Variants in ERICH4 observed in about 807,000 individuals in gnomAD.
The protein encoded by ERICH4 is glutamate rich 4.
A neutral mutation model predicts 5.2 loss-of-function variants in ERICH4; 4 were observed. The ratio of observed to expected loss-of-function variants is 0.77; its 90% CI spans 0.38 to 1.76. ERICH4 has a LOEUF of 1.76. ERICH4 is among the 40% of genes most tolerant of loss of function. ERICH4 has a pLI of 0.04. For synonymous variants in ERICH4, 75 were observed against 68.7 expected (o/e 1.09, Z -0.45); for missense variants, 164 against 159.8 (o/e 1.03, Z -0.14).
rs2040149851 is a variant in ERICH4, at chr19:41,444,458, G to T, written c.*234G>T. 3 of 574,504 alleles carry T rather than the reference G, an allele frequency of 5.2e-6. No homozygotes were observed. The highest frequency in any genetic ancestry group is 9.3e-6 in the Non-Finnish European group (3 of 321,834). The allele number at this position is 574,504 out of a possible 1,614,324, so 35.6% of individuals were successfully genotyped here. A position where few individuals can be genotyped will look rare whatever the true frequency, so the allele number is the denominator to read the frequency against. ...GTGGGAGGTTGTAGAGAAGTTGCAGGTGCTTTCGCAGATGAGCCTCAGGTG... is the reference window on the plus strand; with the variant it reads ...GTGGGAGGTTGTAGAGAAGTTGCAGTTGCTTTCGCAGATGAGCCTCAGGTG... On this transcript the variant is annotated 3_prime_UTR_variant, in exon 2 of 2. Coordinates refer to ENST00000378187, the MANE Select transcript of ERICH4 (RefSeq NM_001130514.3).
At position 41,443,266 on chromosome 19, in the gene ERICH4, C is replaced by A; in HGVS notation, c.97C>A (p.Pro33Thr). Residue 33 changes from proline (P) to threonine (T), a missense_variant, in exon 1 of 2, where the codon CCT becomes ACT. Physicochemically the swap from Pro to Thr is conservative, Grantham distance 38. Coordinates refer to ENST00000378187, the MANE Select transcript of ERICH4 (RefSeq NM_001130514.3). ...ALREVSPVEIPGQTLRTAGAD... is the reference protein window; with the variant it reads ...ALREVSPVEITGQTLRTAGAD... ...GAGGGAGGTCTCCCCAGTGGAAATC[C>A]CTGGTCAGACCCTCAGGACTGCAGG... 1 of 1,408,744 alleles carries A rather than the reference C, an allele frequency of 7.1e-7. No homozygotes were observed. The highest frequency in any genetic ancestry group is 2.9e-5 in the Admixed American group (1 of 34,104). The allele number at this position is 1,408,744 out of a possible 1,614,324, so 87.3% of individuals were successfully genotyped here. A position where few individuals can be genotyped will look rare whatever the true frequency, so the allele number is the denominator to read the frequency against.
chr19:41,444,296 A>T lies in ERICH4; in HGVS notation c.*72A>T. On this transcript the variant is annotated 3_prime_UTR_variant, in exon 2 of 2. Transcript: ENST00000378187. ...TATGTAAAGGAGAAGGGAGATTTGC[A>T]GGTCAAAGCAGATGTGGAATCAAGT... The T allele has an allele frequency of 6.7e-7, 1 of 1,501,438 alleles. No homozygotes were observed. The highest frequency in any genetic ancestry group is 1.2e-5 in the South Asian group (1 of 82,768). The allele number at this position is 1,501,438 out of a possible 1,614,324, so 93.0% of individuals were successfully genotyped here.
Position 41,444,247 on chromosome 19 carries a change from T to C in ERICH4, c.*23T>C, listed in dbSNP as rs1555773585. 1 of 1,551,758 alleles carries C rather than the reference T, an allele frequency of 6.4e-7. No homozygotes were observed. The highest frequency in any genetic ancestry group is 8.7e-7 in the Non-Finnish European group (1 of 1,146,804). ...TGAGGCTCTGCCAGTGGATTTAGATTGACATACAAATGAGATGCAAATGTA... is the reference window on the plus strand; with the variant it reads ...TGAGGCTCTGCCAGTGGATTTAGATCGACATACAAATGAGATGCAAATGTA... On this transcript the variant is annotated 3_prime_UTR_variant, in exon 2 of 2. Transcript: ENST00000378187.
chr19:41,443,372 A>C (rs1263296856), intron 1 of ERICH4, 29 bp downstream of exon 1: 9 of 1,292,920 alleles, frequency 7.0e-6, no homozygotes, highest in Non-Finnish European at 8.9e-6. Flanking sequence ...AGGGAAAGAG[A>C]AAGAGAGGAA....
At chr19:41,443,482 C>T (rs946959526) in intron 1 of ERICH4, 139 bp downstream of exon 1, 17 of 680,136 alleles carry the variant, frequency 2.5e-5, no homozygotes, top group South Asian at 4.7e-5. Context: ...GTACAGACAC[C>T]GAGAGACAGA....
At position 41,444,322 on chromosome 19, in the gene ERICH4, A is replaced by G; in HGVS notation, c.*98A>G. 7.6e-7 allele frequency: 1 copy of G among 1,320,424 alleles called. No individual in the cohort carries two copies. 81.8% of individuals were successfully genotyped at this position (1,320,424 alleles called of 1,614,324 possible). A position where few individuals can be genotyped will look rare whatever the true frequency, so the allele number is the denominator to read the frequency against. On this transcript the variant is annotated 3_prime_UTR_variant, in exon 2 of 2. Coordinates refer to ENST00000378187, the MANE Select transcript of ERICH4 (RefSeq NM_001130514.3). ...GGTCAAAGCAGATGTGGAATCAAGT[A>G]TACCCCTTTAGTAAGTGCTTTCTCT...
At position 41,443,333 on chromosome 19, in the gene ERICH4, G is replaced by A. The variant is rs2040133410; in HGVS notation, c.164G>A (p.Arg55Lys). 11 of 1,297,816 alleles carry A rather than the reference G, an allele frequency of 8.5e-6. No homozygotes were observed. The highest frequency in any genetic ancestry group is 2.5e-5 in the South Asian group (1 of 40,560). The allele number at this position is 1,297,816 out of a possible 1,614,324, so 80.4% of individuals were successfully genotyped here. ...GGACDSLLWI[R>K]EELGNLRRVD... ...GCCTGCGATAGTCTGCTGTGGATCAGGGAGGAGCTGGTGAGTGAGGGGTTT... is the reference window on the plus strand; with the variant it reads ...GCCTGCGATAGTCTGCTGTGGATCAAGGAGGAGCTGGTGAGTGAGGGGTTT... The change falls in exon 1 of 2, where the codon AGG becomes AAG. Residue 55 changes from arginine (R) to lysine (K), a missense_variant. Physicochemically the swap from Arg to Lys is conservative, Grantham distance 26. Transcript: ENST00000378187.
Position 41,444,304 on chromosome 19 carries a change from G to C in ERICH4, c.*80G>C. The C allele has an allele frequency of 6.8e-7, 1 of 1,478,708 alleles. No individual in the cohort carries two copies. Among genetic ancestry groups the C allele is most frequent in the Admixed American group, 2.0e-5 (1 of 50,740 alleles). The allele number at this position is 1,478,708 out of a possible 1,614,324, so 91.6% of individuals were successfully genotyped here. On this transcript the variant is annotated 3_prime_UTR_variant, in exon 2 of 2. Coordinates refer to ENST00000378187, the MANE Select transcript of ERICH4 (RefSeq NM_001130514.3). ...GGAGAAGGGAGATTTGCAGGTCAAA[G>C]CAGATGTGGAATCAAGTATACCCCT...
At position 41,444,030 on chromosome 19, in the gene ERICH4, C is replaced by T; in HGVS notation, c.199C>T (p.Gln67Ter). The change falls in exon 2 of 2, where the codon CAG (glutamine) becomes TAG (stop). Residue 67 changes from glutamine (Q) to a stop codon, truncating the protein, a stop_gained. Coordinates refer to ENST00000378187, the MANE Select transcript of ERICH4 (RefSeq NM_001130514.3). LOFTEE classifies it low-confidence loss of function (END_TRUNC). ...GGGGAACCTGCGCCGAGTGGATGTCCAGCTGCTGGGACAGCTGTGCAGCCT... is the reference window on the plus strand; with the variant it reads ...GGGGAACCTGCGCCGAGTGGATGTCTAGCTGCTGGGACAGCTGTGCAGCCT... ...ELGNLRRVDV[Q>*]LLGQLCSLGL... 1 of 1,549,910 alleles carries T rather than the reference C, an allele frequency of 6.5e-7. No individual in the cohort carries two copies. The highest frequency in any genetic ancestry group is 8.7e-7 in the Non-Finnish European group (1 of 1,146,320).
At chr19:41,443,742 G>A (rs2048250506) in intron 1 of ERICH4, among the ~76,000 whole-genome samples, 1 of 152,092 alleles carries the variant, frequency 6.6e-6, no homozygotes. Flanking sequence ...AGAGACAAAG[G>A]GAAACAGGGA....
Position 41,443,314 on chromosome 19 carries a change from G to C in ERICH4, c.145G>C (p.Asp49His), listed in dbSNP as rs1463265196. The change falls in exon 1 of 2, where the codon GAT (aspartate) becomes CAT (histidine). Residue 49 changes from aspartate to histidine, a missense_variant. Asp to His is a moderately conservative substitution (Grantham distance 81, BLOSUM62 -1). Coordinates refer to ENST00000378187, the MANE Select transcript of ERICH4 (RefSeq NM_001130514.3). The stretch of plus-strand genomic sequence containing the variant: ...AGGGGCAGACACTGGAGGTGCCTGC[G>C]ATAGTCTGCTGTGGATCAGGGAGGA... ...TAGADTGGAC[D>H]SLLWIREELG... The C allele has an allele frequency of 2.3e-6, 3 of 1,310,880 alleles. No homozygotes were observed. Among genetic ancestry groups the C allele is most frequent in the African/African-American group, 3.1e-5 (2 of 64,966 alleles). The allele number at this position is 1,310,880 out of a possible 1,614,324, so 81.2% of individuals were successfully genotyped here. A position where few individuals can be genotyped will look rare whatever the true frequency, so the allele number is the denominator to read the frequency against.
rs1568533365 is a variant in ERICH4, at chr19:41,444,029, C to A, written c.198C>A (p.Val66=). The A allele has an allele frequency of 2.6e-6, 4 of 1,549,682 alleles. No individual in the cohort carries two copies. In the African/African-American group the frequency reaches 4.1e-5, roughly 16 times the overall value. Residue 66 remains valine (V), a synonymous_variant, in exon 2 of 2, where the codon GTC becomes GTA. Transcript: ENST00000378187. ...EELGNLRRVD[V]QLLGQLCSLG... is the part of the protein sequence containing the mutation. ...AGGGGAACCTGCGCCGAGTGGATGT[C>A]CAGCTGCTGGGACAGCTGTGCAGCC...
At position 41,443,254 on chromosome 19, in the gene ERICH4, C is replaced by A; in HGVS notation, c.85C>A (p.Pro29Thr). 7.0e-7 allele frequency: 1 copy of A among 1,435,708 alleles called. No individual in the cohort carries two copies. Among genetic ancestry groups the A allele is most frequent in the Non-Finnish European group, 9.2e-7 (1 of 1,088,662 alleles). 88.9% of individuals were successfully genotyped at this position (1,435,708 alleles called of 1,614,324 possible). ...CCCCCAGGCCCTGAGGGAGGTCTCC[C>A]CAGTGGAAATCCCTGGTCAGACCCT... ...PPPQALREVSPVEIPGQTLRT... is the reference protein window; with the variant it reads ...PPPQALREVSTVEIPGQTLRT... Residue 29 changes from proline to threonine, a missense_variant, in exon 1 of 2, where the codon CCA becomes ACA. Transcript: ENST00000378187.
rs1233647126 is a variant in ERICH4 at position 41,444,089 on chromosome 19, G to A, written c.258G>A (p.Leu86=). Residue 86 remains leucine (L), a synonymous_variant, in exon 2 of 2, where the codon CTG becomes CTA. Coordinates refer to ENST00000378187, the MANE Select transcript of ERICH4 (RefSeq NM_001130514.3). ...AGATGGGGGCGCTGCGGGAGGAACT[G>A]GTCACCATATTGGAGGAGGAGGAGG... The part of the protein sequence containing the change: ...GLEMGALREE[L]VTILEEEEES... 9.0e-6 allele frequency: 14 copies of A among 1,551,704 alleles called. No individual in the cohort carries two copies. Among genetic ancestry groups the A allele is most frequent in the Non-Finnish European group, 1.2e-5 (14 of 1,147,054 alleles).
Position 41,444,204 on chromosome 19 carries a change from G to T in ERICH4, c.373G>T (p.Asp125Tyr), listed in dbSNP as rs956984191. The T allele has an allele frequency of 3.9e-6, 6 of 1,552,146 alleles. No individual in the cohort carries two copies. The East Asian group carries it at 1.5e-4, about 38-fold the overall frequency. Residue 125 changes from aspartate to tyrosine, a missense_variant, in exon 2 of 2, where the codon GAC (aspartate) becomes TAC (tyrosine). Asp to Tyr is a radical substitution (Grantham distance 160, BLOSUM62 -3). Coordinates refer to ENST00000378187, the MANE Select transcript of ERICH4 (RefSeq NM_001130514.3). ...GGCCTGCCCAGCCCCACATCCACCT[G>T]ACTTTGAGATGATGATCTGAGGCTC... Reference protein sequence around the residue: ...LEACPAPHPPDFEMMI With the variant: ...LEACPAPHPPYFEMMI
chr19:41,444,430 G>A lies in ERICH4; in HGVS notation c.*206G>A, dbSNP rs77815988. 3,753 of 615,812 alleles carry A rather than the reference G, an allele frequency of 6.1e-3. 20 individuals carry two copies. The highest frequency in any genetic ancestry group is 8.0e-3 in the Non-Finnish European group (2,799 of 351,332). 38.1% of individuals were successfully genotyped at this position (615,812 alleles called of 1,614,324 possible). ...ATGACATGAGGATGTGTTTGGAGGTGATGTGGGAGGTTGTAGAGAAGTTGC... is the reference window on the plus strand; with the variant it reads ...ATGACATGAGGATGTGTTTGGAGGTAATGTGGGAGGTTGTAGAGAAGTTGC... On this transcript the variant is annotated 3_prime_UTR_variant, in exon 2 of 2. Coordinates refer to ENST00000378187, the MANE Select transcript of ERICH4 (RefSeq NM_001130514.3).
rs1228025926 is a variant in ERICH4, at chr19:41,443,834, A to T, written c.175-172A>T. On this transcript the variant is annotated intron_variant, in intron 1 of 1. Coordinates refer to ENST00000378187, the MANE Select transcript of ERICH4 (RefSeq NM_001130514.3). ...GGAGAGACAAAGAGAAGAGTTAGAG[A>T]TCAAGAGACACTCTGAGAAGCAGGA... The T allele has an allele frequency of 6.7e-6, 4 of 597,698 alleles. No homozygotes were observed. In the African/African-American group the frequency reaches 7.4e-5, roughly 11 times the overall value. 37.0% of individuals were successfully genotyped at this position (597,698 alleles called of 1,614,324 possible).
chr19:41,443,995 C>T lies in ERICH4; in HGVS notation c.175-11C>T. The T allele has an allele frequency of 1.3e-6, 2 of 1,547,182 alleles. No homozygotes were observed. The highest frequency in any genetic ancestry group is 1.7e-6 in the Non-Finnish European group (2 of 1,145,048). ...GGTGGCATCCCTGTGACGTCCCCTT[C>T]CTACTGGCAGGGGAACCTGCGCCGA... On this transcript the variant is annotated splice_polypyrimidine_tract_variant and intron_variant, in intron 1 of 1. Transcript: ENST00000378187.
rs1555773433 is a variant in ERICH4, at chr19:41,443,324, T to C, written c.155T>C (p.Leu52Pro). ...ADTGGACDSL[L>P]WIREELGNLR... is the part of the protein sequence containing the mutation. ...ACTGGAGGTGCCTGCGATAGTCTGC[T>C]GTGGATCAGGGAGGAGCTGGTGAGT... The change falls in exon 1 of 2, where the codon CTG becomes CCG. Residue 52 changes from leucine (L) to proline (P), a missense_variant. By Grantham distance (98) the Leu-to-Pro change is moderately conservative (BLOSUM62 -3). Transcript: ENST00000378187. 1.5e-5 allele frequency: 20 copies of C among 1,298,564 alleles called. No individual in the cohort carries two copies. The highest frequency in any genetic ancestry group is 1.5e-5 in the African/African-American group (1 of 64,698). 80.4% of individuals were successfully genotyped at this position (1,298,564 alleles called of 1,614,324 possible).
Sources: allele counts gnomAD v4.1 joint callset (sites outside exome capture counted in the v4.1 genomes callset), GRCh38; gene constraint gnomAD v4.1.1; transcripts MANE v1.5; gene names NCBI Gene and HGNC (gene_info 2026-07-23, HGNC 2026-07-21).